Variants in BEND4 observed in about 807,000 individuals in gnomAD.
The protein encoded by BEND4 is BEN domain-containing protein 4.
A neutral mutation model predicts 54.7 loss-of-function variants in BEND4; 27 were observed. That is an observed-to-expected ratio of 0.49 (90% CI 0.36 to 0.68). The LOEUF (loss-of-function observed/expected upper bound fraction) is 0.68, where lower values mean the gene tolerates loss of function less well. Ranked by LOEUF, BEND4 falls within the 30% of genes least tolerant of loss-of-function variation. The pLI, the probability that BEND4 is intolerant of heterozygous loss-of-function variation, is 0.00. For synonymous variants in BEND4, 327 were observed against 299.5 expected (o/e 1.09, Z -0.95); for missense variants, 702 against 697.2 (o/e 1.01, Z -0.08).
In BEND4 at chr4:42,113,701, A is replaced by C. The variant is rs920193538; in HGVS notation, c.*3817T>G. 5 of 152,176 alleles carry C rather than the reference A, an allele frequency of 3.3e-5. No homozygotes were observed. The highest frequency in any genetic ancestry group is 7.3e-5 in the Non-Finnish European group (5 of 68,028). 9.4% of individuals were successfully genotyped at this position (152,176 alleles called of 1,614,324 possible). A position where few individuals can be genotyped will look rare whatever the true frequency, so the allele number is the denominator to read the frequency against. On this transcript the variant is annotated 3_prime_UTR_variant, in exon 6 of 6. Transcript: ENST00000502486. ...CAAGTAAAAAAATGGTTAATAATTT[A>C]TCTCTCCTTATAATCCTGTAGGAAT...
At chr4:42,126,056 G>C (rs972252392) in intron 3 of BEND4, among the ~76,000 whole-genome samples, 2 of 151,520 alleles carry the variant, frequency 1.3e-5, no homozygotes, top group African/African-American at 4.8e-5. Context: ...AAAGATTTTT[G>C]ATGCAAACTT....
intron 3 of BEND4, among the ~76,000 whole-genome samples, chr4:42,139,272 G>A (rs950502965): frequency 1.3e-5 from 2 of 152,182 alleles, no homozygotes; most frequent in Non-Finnish European, 2.9e-5. Context: ...CTATTTCATT[G>A]GGATAAAATT....
chr4:42,133,959 T>G (rs2153146193), intron 3 of BEND4, among the ~76,000 whole-genome samples: 2 of 152,360 alleles, frequency 1.3e-5, no homozygotes, highest in Middle Eastern at 3.4e-3. Flanking sequence ...CAATAAATAT[T>G]GCCTATTGTA....
Position 42,151,799 on chromosome 4 carries a change from A to G in BEND4, c.345T>C (p.Thr115=). The G allele has an allele frequency of 6.8e-7, 1 of 1,472,638 alleles. No homozygotes were observed. The highest frequency in any genetic ancestry group is 8.9e-7 in the Non-Finnish European group (1 of 1,120,308). 91.2% of individuals were successfully genotyped at this position (1,472,638 alleles called of 1,614,324 possible). ...TPATSQGHLR[T]PAQPPPASPA... ...GGGACGCGGGCGGCGGCTGCGCCGG[A>G]GTCCTCAAGTGGCCCTGGGATGTGG... The change falls in exon 2 of 6, where the codon ACT becomes ACC. Residue 115 remains threonine, a synonymous_variant. Coordinates refer to ENST00000502486, the MANE Select transcript of BEND4 (RefSeq NM_207406.4).
chr4:42,143,282 C>T (rs988334139), intron 3 of BEND4, 146 bp downstream of exon 3: 1 of 740,282 alleles, frequency 1.4e-6, no homozygotes, highest in South Asian at 1.9e-5. Context: ...TTTTTTCCAA[C>T]TTTTCTACAT....
intron 2 of BEND4, among the ~76,000 whole-genome samples, chr4:42,145,081 G>C (rs1481522342): frequency 6.6e-6 from 1 of 152,168 alleles, no homozygotes; most frequent in African/African-American, 2.4e-5. Flanking sequence ...TATTGTTTAA[G>C]ATAAAAATGC....
In BEND4 at chr4:42,123,505, T is replaced by A. The variant is rs544482290; in HGVS notation, c.1146+2078A>T. ...ATTTACTATTAAGCAAGGAAACTAGTTCTGAATTAGACTGCTTTGTGCCAC... is the reference window on the plus strand; with the variant it reads ...ATTTACTATTAAGCAAGGAAACTAGATCTGAATTAGACTGCTTTGTGCCAC... On this transcript the variant is annotated intron_variant, in intron 4 of 5. Transcript: ENST00000502486. Among the ~76,000 whole-genome samples the A allele has an allele frequency of 2.1e-3, 315 of 151,556 alleles. 3 individuals are homozygous for A. The South Asian group carries it at 0.023, about 11-fold the overall frequency.
intron 3 of BEND4, among the ~76,000 whole-genome samples, chr4:42,130,123 T>C (rs1384375564): frequency 6.6e-6 from 1 of 152,178 alleles, no homozygotes; most frequent in Non-Finnish European, 1.5e-5. Flanking sequence ...AGAAGACATT[T>C]ATGTGGCCAA....
At chr4:42,148,947 T>C (rs1016698172) in intron 2 of BEND4, among the ~76,000 whole-genome samples, 2 of 152,216 alleles carry the variant, frequency 1.3e-5, no homozygotes, top group Non-Finnish European at 2.9e-5. Flanking sequence ...TTTATAAAAA[T>C]GTTGAAAAAA....
chr4:42,144,227 T>C, intron 2 of BEND4: 1 of 581,512 alleles, frequency 1.7e-6, no homozygotes, highest in South Asian at 2.0e-5. Context: ...AGGAAACGGC[T>C]GGACTGTGAC....
intron 3 of BEND4, among the ~76,000 whole-genome samples, chr4:42,138,481 G>A (rs557247553): frequency 1.3e-5 from 2 of 152,280 alleles, no homozygotes; most frequent in African/African-American, 4.8e-5. Context: ...GCACTATGTA[G>A]GATGAATAGG....
At chr4:42,142,835 G>C (rs747804369) in intron 3 of BEND4, among the ~76,000 whole-genome samples, 1 of 152,054 alleles carries the variant, frequency 6.6e-6, no homozygotes, top group Non-Finnish European at 1.5e-5. Context: ...GTCTATCTTT[G>C]ACCTATTAGG....
intron 2 of BEND4, among the ~76,000 whole-genome samples, chr4:42,147,828 A>G (rs956052566): frequency 6.6e-5 from 10 of 152,154 alleles, no homozygotes; most frequent in Admixed American, 2.6e-4. Context: ...TGATAAGTGA[A>G]TAAGAAGAGG....
At chr4:42,146,030 G>C (rs1354965064) in intron 2 of BEND4, among the ~76,000 whole-genome samples, 1 of 152,150 alleles carries the variant, frequency 6.6e-6, no homozygotes, top group Non-Finnish European at 1.5e-5. Context: ...TTTCTTCTTA[G>C]AATAGTACTT....
chr4:42,142,592 C>T (rs554794290), intron 3 of BEND4, among the ~76,000 whole-genome samples: 3 of 146,714 alleles, frequency 2.0e-5, no homozygotes, highest in South Asian at 4.4e-4. Context: ...CACACGGTGC[C>T]ACTGTACTCC....
At chr4:42,137,637 T>A (rs1384605473) in intron 3 of BEND4, among the ~76,000 whole-genome samples, 1 of 152,028 alleles carries the variant, frequency 6.6e-6, no homozygotes, top group African/African-American at 2.4e-5. Flanking sequence ...AACATGGAAC[T>A]GCATCACACT....
intron 3 of BEND4, among the ~76,000 whole-genome samples, chr4:42,132,776 C>T (rs887308377): frequency 3.3e-5 from 5 of 152,004 alleles, no homozygotes; most frequent in African/African-American, 4.8e-5. Context: ...GTCACTCTCA[C>T]GGTGAAACTA....
intron 2 of BEND4, among the ~76,000 whole-genome samples, chr4:42,150,572 T>TCACTGACA (rs1246246200): frequency 8.5e-5 from 13 of 152,144 alleles, no homozygotes; most frequent in Non-Finnish European, 1.8e-4. Context: ...CATGCAGGAT[T>TCACTGACA]TGGGGGGCTT....
chr4:42,138,644 AG>A (rs1482148746), intron 3 of BEND4, among the ~76,000 whole-genome samples: 1 of 152,228 alleles, frequency 6.6e-6, no homozygotes, highest in Non-Finnish European at 1.5e-5. Flanking sequence ...GCTTCACTAC[AG>A]TAACCTTTTA....
Sources: gnomAD v4.1 joint callset for allele counts (sites outside exome capture counted in the v4.1 genomes callset) on GRCh38, gnomAD v4.1.1 for gene constraint, MANE v1.5 for transcripts, NCBI Gene and HGNC (gene_info 2026-07-23, HGNC 2026-07-21) for gene names.